C12orf54: variants seen among roughly 807,000 people sequenced by gnomAD.
C12orf54 encodes chromosome 12 open reading frame 54, also known as uncharacterized protein C12orf54.
C12orf54 carries 24 observed loss-of-function variants against 26.4 expected under a neutral mutation model. The ratio of observed to expected loss-of-function variants is 0.91; its 90% confidence interval spans 0.66 to 1.28. C12orf54 has a LOEUF of 1.28. Ranked by LOEUF, C12orf54 falls within the 50% of genes most tolerant of loss-of-function variation. C12orf54 has a pLI of 0.00. For missense variants in C12orf54, 154 were observed against 150.9 expected, an observed-to-expected ratio of 1.02 and a Z score of -0.11; for synonymous variants, 54 against 47.0, an observed-to-expected ratio of 1.15 and a Z score of -0.61.
chr12:48,421,727 A>G, the C12orf54 span, among the ~76,000 whole-genome samples: 1 of 151,702 alleles, frequency 6.6e-6, no homozygotes, highest in Admixed American at 6.6e-5. Flanking sequence ...ACGGGGTTTC[A>G]CCATGTTGGC....
the C12orf54 span, among the ~76,000 whole-genome samples, chr12:48,463,527 C>G: frequency 6.6e-6 from 1 of 151,372 alleles, no homozygotes; most frequent in Admixed American, 6.6e-5. Context: ...AAAACTATTC[C>G]AAAAAATTGA....
chr12:48,467,005 C>A, the C12orf54 span, among the ~76,000 whole-genome samples: 1 of 152,104 alleles, frequency 6.6e-6, no homozygotes, highest in African/African-American at 2.4e-5. Flanking sequence ...TACCCCTCCC[C>A]AACAGATGTT....
At chr12:48,429,349 A>C in the C12orf54 span, among the ~76,000 whole-genome samples, 1 of 152,156 alleles carries the variant, frequency 6.6e-6, no homozygotes, top group Non-Finnish European at 1.5e-5. Context: ...AATAAAGGGC[A>C]TCCAAATCAG....
chr12:48,464,864 A>T, the C12orf54 span, among the ~76,000 whole-genome samples: 1 of 152,210 alleles, frequency 6.6e-6, no homozygotes, highest in Non-Finnish European at 1.5e-5. Context: ...CTGGCTAGTC[A>T]TATGCAGAAG....
At chr12:48,443,229 C>T in the C12orf54 span, among the ~76,000 whole-genome samples, 3 of 152,062 alleles carry the variant, frequency 2.0e-5, no homozygotes, top group African/African-American at 7.2e-5. Flanking sequence ...ATTATTAAGG[C>T]TACTAGAGAG....
chr12:48,428,735 G>A, the C12orf54 span, among the ~76,000 whole-genome samples: 1 of 151,976 alleles, frequency 6.6e-6, no homozygotes, highest in East Asian at 1.9e-4. Context: ...AATTCTACAA[G>A]ACATAAAGAA....
Position 48,492,979 on chromosome 12 carries a change from T to A in C12orf54, c.226T>A (p.Ser76Thr), listed in dbSNP as rs1472923041. The A allele has an allele frequency of 1.2e-6, 2 of 1,614,016 alleles. No individual in the cohort carries two copies. The highest frequency in any genetic ancestry group is 1.7e-5 in the Admixed American group (1 of 60,014). ...MSNCSMTPMT[S>T]APRTGSIRPP... is the part of the protein sequence containing the mutation. ...CAACTGCTCCATGACACCCATGACA[T>A]CAGCACCCAGGACTGGGTAAGTGTC... The change falls in exon 7 of 9, where the codon TCA (serine) becomes ACA (threonine). Residue 76 changes from serine to threonine, a missense_variant. Physicochemically the swap from Ser to Thr is moderately conservative, Grantham distance 58. Transcript: ENST00000548364.
chr12:48,467,210 G>A, the C12orf54 span, among the ~76,000 whole-genome samples: 1 of 152,060 alleles, frequency 6.6e-6, no homozygotes, highest in Non-Finnish European at 1.5e-5. Context: ...CTGAAATAAG[G>A]CATTACAAAC....
intron 2 of C12orf54, among the ~76,000 whole-genome samples, chr12:48,485,022 G>C (rs1592199322): frequency 6.6e-6 from 1 of 152,230 alleles, no homozygotes; most frequent in East Asian, 1.9e-4. Context: ...TGTTCATCAG[G>C]AGTCTCCTCT....
At position 48,494,970 on chromosome 12, in the gene C12orf54, C is replaced by T. The variant is rs754698813; in HGVS notation, c.*31C>T. On this transcript the variant is annotated 3_prime_UTR_variant, in exon 8 of 9. Transcript: ENST00000548364. ...CAATCAAGGAAGAAGGACATCTCTG[C>T]TTCCGCCAGGTGCTTTACCCAAGCA... is the stretch of plus-strand genomic sequence containing the variant. The T allele has an allele frequency of 7.5e-6, 12 of 1,606,582 alleles. No individual in the cohort carries two copies. The highest frequency in any genetic ancestry group is 1.0e-5 in the Non-Finnish European group (12 of 1,174,294).
chr12:48,477,258 G>A, the C12orf54 span, among the ~76,000 whole-genome samples: 1 of 152,138 alleles, frequency 6.6e-6, no homozygotes, highest in Non-Finnish European at 1.5e-5. Flanking sequence ...TGTGTAGAGG[G>A]AAATTTATAG....
chr12:48,489,871 G>C (rs192523329), intron 5 of C12orf54, among the ~76,000 whole-genome samples: 1 of 151,926 alleles, frequency 6.6e-6, no homozygotes, highest in South Asian at 2.1e-4. Flanking sequence ...ACAGGTATGT[G>C]CCACCACGCC....
At chr12:48,474,389 T>C in the C12orf54 span, among the ~76,000 whole-genome samples, 1 of 152,062 alleles carries the variant, frequency 6.6e-6, no homozygotes, top group South Asian at 2.1e-4. Flanking sequence ...TGCCAGACAG[T>C]AGGTGCAGGA....
At position 48,496,172 on chromosome 12, in the gene C12orf54, C is replaced by T. The variant is rs1937909017; in HGVS notation, c.*41-9C>T. On this transcript the variant is annotated splice_polypyrimidine_tract_variant and intron_variant, in intron 8 of 8. Coordinates refer to ENST00000548364, the MANE Select transcript of C12orf54 (RefSeq NM_152319.4). ...TTTATTCCCATCCATATGACTATGT[C>T]ATCTACAGCACAGCTTCAGTTGGGG... The T allele has an allele frequency of 6.6e-6, 1 of 152,296 alleles. No homozygotes were observed. The highest frequency in any genetic ancestry group is 1.9e-4 in the East Asian group (1 of 5,202). 9.4% of individuals were successfully genotyped at this position (152,296 alleles called of 1,614,324 possible).
chr12:48,470,868 G>A, the C12orf54 span, among the ~76,000 whole-genome samples: 249 of 151,556 alleles, frequency 1.6e-3, no homozygotes, highest in Middle Eastern at 3.4e-3. Flanking sequence ...TACTTATGGC[G>A]TACATGGGAT....
the C12orf54 span, among the ~76,000 whole-genome samples, chr12:48,459,581 G>A: frequency 0.13 from 19,187 of 152,060 alleles, 1,610 homozygotes; most frequent in Non-Finnish European, 0.2. Context: ...TCCGATTTTC[G>A]GTCACTGAAA....
the C12orf54 span, among the ~76,000 whole-genome samples, chr12:48,457,280 GT>G: frequency 1.9e-4 from 27 of 140,522 alleles, no homozygotes; most frequent in East Asian, 2.4e-3. Flanking sequence ...TTTTGTTGTT[GT>G]TGTTGGTGGT....
At chr12:48,489,878 C>T (rs559449499) in intron 5 of C12orf54, among the ~76,000 whole-genome samples, 4 of 152,194 alleles carry the variant, frequency 2.6e-5, no homozygotes, top group East Asian at 3.9e-4. Context: ...TGTGCCACCA[C>T]GCCCGGCTAA....
chr12:48,453,414 A>G, the C12orf54 span, among the ~76,000 whole-genome samples: 2 of 151,234 alleles, frequency 1.3e-5, no homozygotes, highest in Non-Finnish European at 2.9e-5. Flanking sequence ...GGGTGATGAG[A>G]TGATCTGTGC....
Sources: gnomAD v4.1 joint callset for allele counts (sites outside exome capture counted in the v4.1 genomes callset) on GRCh38, gnomAD v4.1.1 for gene constraint, MANE v1.5 for transcripts, NCBI Gene and HGNC (gene_info 2026-07-23, HGNC 2026-07-21) for gene names.